FXN: variants seen among roughly 807,000 people sequenced by gnomAD.
FXN encodes frataxin, mitochondrial.
FXN carries 14 observed loss-of-function variants against 22.4 expected under a neutral mutation model. The observed-to-expected ratio is 0.62, with a 90% confidence interval of 0.41 to 0.98. The LOEUF is 0.98. Among genes scored for constraint, FXN ranks in the 50% least tolerant of loss-of-function variants. The pLI, the probability that FXN is intolerant of heterozygous loss-of-function variation, is 0.00. For synonymous variants in FXN, 120 were observed against 114.1 expected, an observed-to-expected ratio of 1.05 and a Z score of -0.33; for missense variants, 267 against 268.4, an observed-to-expected ratio of 0.99 and a Z score of 0.04.
chr9:69,078,825 C>T lies in FXN; in HGVS notation c.*6063C>T. 3.0e-6 allele frequency: 3 copies of T among 985,730 alleles called. No homozygotes were observed. The highest frequency in any genetic ancestry group is 3.6e-6 in the Non-Finnish European group (3 of 830,166). The allele number at this position is 985,730 out of a possible 1,614,324, so 61.1% of individuals were successfully genotyped here. A position where few individuals can be genotyped will look rare whatever the true frequency, so the allele number is the denominator to read the frequency against. On this transcript the variant is annotated 3_prime_UTR_variant, in exon 5 of 5. Transcript: ENST00000484259. ...AAACTCCTCCTCCACTCAGCCTCTG[C>T]CTGGATGCCCTTGATTGTTCCATGT...
At chr9:69,053,358 G>T in intron 3 of FXN, 98 bp downstream of exon 3, 1 of 1,417,504 alleles carries the variant, frequency 7.1e-7, no homozygotes, top group South Asian at 1.2e-5. Flanking sequence ...GCATCAAGTA[G>T]CATGTAGTTG....
intron 1 of FXN, among the ~76,000 whole-genome samples, chr9:69,037,284 A>AGAAG (rs1554758734): frequency 1.0e-4 from 8 of 78,048 alleles, no homozygotes; most frequent in Admixed American, 5.9e-4. Flanking sequence ...AAAAAAAAAA[A>AGAAG]AAGAAGAAGA....
chr9:69,058,893 CCT>C (rs1426820234), intron 3 of FXN, among the ~76,000 whole-genome samples: 1 of 152,104 alleles, frequency 6.6e-6, no homozygotes, highest in Non-Finnish European at 1.5e-5. Context: ...ACGGTGAAAC[CCT>C]GTCTCTACTA....
At chr9:69,053,810 C>T in intron 3 of FXN, among the ~76,000 whole-genome samples, 1 of 152,184 alleles carries the variant, frequency 6.6e-6, no homozygotes, top group Non-Finnish European at 1.5e-5. Flanking sequence ...TTGAGCCCTG[C>T]TCCTGTGAGA....
At position 69,078,711 on chromosome 9, in the gene FXN, C is replaced by T; in HGVS notation, c.*5949C>T. 1 of 985,622 alleles carries T rather than the reference C, an allele frequency of 1.0e-6. No homozygotes were observed. The highest frequency in any genetic ancestry group is 1.7e-5 in the African/African-American group (1 of 57,338). 61.1% of individuals were successfully genotyped at this position (985,622 alleles called of 1,614,324 possible). A position where few individuals can be genotyped will look rare whatever the true frequency, so the allele number is the denominator to read the frequency against. On this transcript the variant is annotated 3_prime_UTR_variant, in exon 5 of 5. Transcript: ENST00000484259. The stretch of plus-strand genomic sequence containing the variant: ...TTTTCACGTGGCTCTCAGACTTGGC[C>T]AGTGCTGTTTCCATTTTGGTCTTTA...
chr9:69,065,526 G>A (rs1249999155), intron 4 of FXN, among the ~76,000 whole-genome samples: 3 of 132,482 alleles, frequency 2.3e-5, no homozygotes, highest in African/African-American at 8.8e-5. Context: ...GGGCAACAGG[G>A]CCAGACCCTG....
At chr9:69,038,958 T>C (rs1052667083) in intron 1 of FXN, among the ~76,000 whole-genome samples, 8 of 152,086 alleles carry the variant, frequency 5.3e-5, no homozygotes, top group Admixed American at 2.0e-4. Flanking sequence ...CAAACACACT[T>C]AAATGTCTCC....
intron 2 of FXN, among the ~76,000 whole-genome samples, chr9:69,051,494 T>G (rs1323225457): frequency 6.6e-6 from 1 of 152,174 alleles, no homozygotes; most frequent in Non-Finnish European, 1.5e-5. Context: ...CAAAATGTCT[T>G]TCAGTAAGTA....
rs147743430 is a variant in FXN at position 69,078,808 on chromosome 9, C to T, written c.*6046C>T. On this transcript the variant is annotated 3_prime_UTR_variant, in exon 5 of 5. Coordinates refer to ENST00000484259, the MANE Select transcript of FXN (RefSeq NM_000144.5). ...TCTTGGCACAGCCTTGCAAACTCCT[C>T]CTCCACTCAGCCTCTGCCTGGATGC... is the stretch of plus-strand genomic sequence containing the variant. 2.2e-3 allele frequency: 2,179 copies of T among 985,700 alleles called. 41 individuals carry two copies. In the African/African-American group the frequency reaches 0.034, roughly 16 times the overall value. 61.1% of individuals were successfully genotyped at this position (985,700 alleles called of 1,614,324 possible).
In FXN at chr9:69,046,429, G is replaced by T; in HGVS notation, c.210G>T (p.Lys70Asn). ...TCAACCAGATTTGGAATGTCAAAAAGCAGAGTGTCTATTTGATGAATTTGA... is the reference window on the plus strand; with the variant it reads ...TCAACCAGATTTGGAATGTCAAAAATCAGAGTGTCTATTTGATGAATTTGA... ...RGLNQIWNVK[K>N]QSVYLMNLRK... is the part of the protein sequence containing the mutation. The change falls in exon 2 of 5, where the codon AAG (lysine) becomes AAT (asparagine). Residue 70 changes from lysine to asparagine, a missense_variant. Physicochemically the swap from Lys to Asn is moderately conservative, Grantham distance 94 (BLOSUM62 0). Coordinates refer to ENST00000484259, the MANE Select transcript of FXN (RefSeq NM_000144.5). 1.2e-6 allele frequency: 2 copies of T among 1,614,138 alleles called. No individual in the cohort carries two copies. Among genetic ancestry groups the T allele is most frequent in the South Asian group, 2.2e-5 (2 of 91,080 alleles).
rs554646816 is a variant in FXN, at chr9:69,076,738, A to C, written c.*3976A>C. ...CTTCCAAGGTACACACTAAGATGAA[A>C]GTAATTTTAGTCCGTGTCCAGTTGG... On this transcript the variant is annotated 3_prime_UTR_variant, in exon 5 of 5. Coordinates refer to ENST00000484259, the MANE Select transcript of FXN (RefSeq NM_000144.5). 2 of 985,442 alleles carry C rather than the reference A, an allele frequency of 2.0e-6. No individual in the cohort carries two copies. Among genetic ancestry groups the C allele is most frequent in the Admixed American group, 6.1e-5 (1 of 16,288 alleles). 61.0% of individuals were successfully genotyped at this position (985,442 alleles called of 1,614,324 possible).
chr9:69,068,519 G>A (rs1255980795), intron 4 of FXN, among the ~76,000 whole-genome samples: 2 of 152,244 alleles, frequency 1.3e-5, no homozygotes, highest in Non-Finnish European at 2.9e-5. Flanking sequence ...AGCCACAGAG[G>A]GCCTGCTGGC....
chr9:69,072,857 T>C lies in FXN; in HGVS notation c.*95T>C. On this transcript the variant is annotated 3_prime_UTR_variant, in exon 5 of 5. Coordinates refer to ENST00000484259, the MANE Select transcript of FXN (RefSeq NM_000144.5). ...TCTGTTTTTTGTTGTTGTTGTTGTT[T>C]ATTTTTTTTATTCCTGCTTTTGAGG... 6.2e-7 allele frequency: 1 copy of C among 1,600,056 alleles called. No homozygotes were observed. The highest frequency in any genetic ancestry group is 8.5e-7 in the Non-Finnish European group (1 of 1,176,478).
chr9:69,054,415 T>A (rs750189874), intron 3 of FXN, among the ~76,000 whole-genome samples: 4 of 152,226 alleles, frequency 2.6e-5, no homozygotes, highest in Non-Finnish European at 5.9e-5. Context: ...GGTCTGCCTT[T>A]GGGTTTAGAA....
chr9:69,075,735 CCTTT>C lies in FXN; in HGVS notation c.*2976_*2979del. 1 of 980,882 alleles carries C rather than the reference CCTTT, an allele frequency of 1.0e-6. No individual in the cohort carries two copies. The highest frequency in any genetic ancestry group is 1.2e-6 in the Non-Finnish European group (1 of 825,970). The allele number at this position is 980,882 out of a possible 1,614,324, so 60.8% of individuals were successfully genotyped here. A position where few individuals can be genotyped will look rare whatever the true frequency, so the allele number is the denominator to read the frequency against. ...ACAATCTTAGAAAACTTTTTTTTCC[CCTTT>C]CTATTTTTTGAGACAGGATCTCACT... On this transcript the variant is annotated 3_prime_UTR_variant, in exon 5 of 5. Coordinates refer to ENST00000484259, the MANE Select transcript of FXN (RefSeq NM_000144.5).
chr9:69,042,807 A>G (rs933582192), intron 1 of FXN, among the ~76,000 whole-genome samples: 2 of 152,202 alleles, frequency 1.3e-5, no homozygotes, highest in Admixed American at 1.3e-4. Context: ...TGAGCCCCAC[A>G]TTCTCAGACA....
chr9:69,044,438 C>A (rs1831711574), intron 1 of FXN, among the ~76,000 whole-genome samples: 1 of 152,086 alleles, frequency 6.6e-6, no homozygotes, highest in South Asian at 2.1e-4. Flanking sequence ...CCCGTTTCCT[C>A]CTCCACTTAC....
At chr9:69,061,178 C>T (rs142985802) in intron 3 of FXN, among the ~76,000 whole-genome samples, 215 of 152,252 alleles carry the variant, frequency 1.4e-3, no homozygotes, top group African/African-American at 4.9e-3. Context: ...TTTCCAATTC[C>T]GATAGGAAAA....
rs1197008330 is a variant in FXN, at chr9:69,035,793, T to C, written c.11T>C (p.Leu4Pro). 1.1e-5 allele frequency: 17 copies of C among 1,510,420 alleles called. No homozygotes were observed. The Admixed American group carries it at 1.8e-4, about 16-fold the overall frequency. The allele number at this position is 1,510,420 out of a possible 1,614,324, so 93.6% of individuals were successfully genotyped here. Residue 4 changes from leucine (L) to proline (P), a missense_variant, in exon 1 of 5, where the codon CTC becomes CCC. Transcript: ENST00000484259. ...CAGACCCGGAGCAGCATGTGGACTC[T>C]CGGGCGCCGCGCAGTAGCCGGCCTC... MWTLGRRAVAGLLA... is the reference protein window; with the variant it reads MWTPGRRAVAGLLA...
Sources: gnomAD v4.1 joint callset for allele counts (sites outside exome capture counted in the v4.1 genomes callset) on GRCh38, gnomAD v4.1.1 for gene constraint, MANE v1.5 for transcripts, NCBI Gene and HGNC (gene_info 2026-07-23, HGNC 2026-07-21) for gene names.